The following TENM2 variants were observed in gnomAD, a reference collection of about 807,000 sequenced individuals.
The protein encoded by TENM2 is teneurin-2.
A neutral mutation model predicts 245.2 loss-of-function variants in TENM2; 52 were observed. The ratio of observed to expected loss-of-function variants is 0.21; its 90% CI spans 0.17 to 0.27. The LOEUF (loss-of-function observed/expected upper bound fraction) is 0.27. TENM2 is among the 10% of genes least tolerant of loss of function. TENM2 has a pLI of 1.00. For missense variants in TENM2, 3,046 were observed against 3,666.8 expected, an observed-to-expected ratio of 0.83 and a Z score of 4.37; for synonymous variants, 1,363 against 1,438.9, an observed-to-expected ratio of 0.95 and a Z score of 1.19.
intron 2 of TENM2, among the ~76,000 whole-genome samples, chr5:167,704,026 C>A (rs991544178): frequency 5.9e-5 from 9 of 152,160 alleles, no homozygotes; most frequent in Admixed American, 3.9e-4. Context: ...AGAAGAAATT[C>A]TTTGAGGGTG....
chr5:167,476,582 T>C (rs1767391846), intron 2 of TENM2, among the ~76,000 whole-genome samples: 1 of 152,088 alleles, frequency 6.6e-6, no homozygotes, highest in Admixed American at 6.6e-5. Context: ...AATACTGATA[T>C]AGCTGGTTTT....
chr5:167,193,091 G>A, the TENM2 span, among the ~76,000 whole-genome samples: 4 of 152,034 alleles, frequency 2.6e-5, no homozygotes, highest in East Asian at 1.9e-4. Context: ...GGAAAATCCT[G>A]TTGATAGGGG....
intron 3 of TENM2, among the ~76,000 whole-genome samples, chr5:167,915,841 C>T (rs1361571682): frequency 6.6e-6 from 1 of 152,046 alleles, no homozygotes; most frequent in African/African-American, 2.4e-5. Context: ...ATTACTCTTC[C>T]AAAATAGACT....
At chr5:167,990,000 A>T (rs1034080815) in intron 4 of TENM2, among the ~76,000 whole-genome samples, 6 of 152,188 alleles carry the variant, frequency 3.9e-5, no homozygotes, top group Non-Finnish European at 4.4e-5. Context: ...AGACCTAGAA[A>T]TTGGCAAGAT....
the TENM2 span, among the ~76,000 whole-genome samples, chr5:167,105,557 A>C: frequency 3.9e-5 from 6 of 152,188 alleles, no homozygotes; most frequent in Non-Finnish European, 7.3e-5. Flanking sequence ...GAAATCAAGT[A>C]ATTAAGTGTT....
intron 5 of TENM2, among the ~76,000 whole-genome samples, chr5:168,039,478 C>T (rs563690993): frequency 2.0e-5 from 3 of 152,108 alleles, no homozygotes; most frequent in South Asian, 2.1e-4. Flanking sequence ...TAAAACCTAC[C>T]GATATTATCA....
chr5:167,423,878 A>G (rs1289888035), intron 2 of TENM2, among the ~76,000 whole-genome samples: 1 of 152,114 alleles, frequency 6.6e-6, no homozygotes, highest in Non-Finnish European at 1.5e-5. Flanking sequence ...CTTTCTTCCC[A>G]CTGGAGACCA....
rs184733112 is a variant in TENM2, at chr5:167,633,198, C to G, written c.503-242788C>G. Reference sequence around the variant, plus strand: ...GAGTTGGTAGTAAATACAGCCACAGCGAAGCTAACAATGCAGAACCTGAGG... The same window carrying G: ...GAGTTGGTAGTAAATACAGCCACAGGGAAGCTAACAATGCAGAACCTGAGG... On this transcript the variant is annotated intron_variant, in intron 2 of 28. Coordinates refer to ENST00000518659, the Ensembl canonical transcript of TENM2. 7.6e-4 allele frequency among the ~76,000 whole-genome samples: 115 copies of G among 152,218 alleles called. 1 individual carries two copies. Among genetic ancestry groups the G allele is most frequent in the Middle Eastern group, 3.4e-3 (1 of 294 alleles).
At chr5:168,005,194 T>C (rs2152057835) in intron 5 of TENM2, among the ~76,000 whole-genome samples, 1 of 152,320 alleles carries the variant, frequency 6.6e-6, no homozygotes, top group South Asian at 2.1e-4. Context: ...GCTTGTTTTA[T>C]GCCAAAGGTA....
At chr5:167,516,666 T>G (rs1284926428) in intron 2 of TENM2, among the ~76,000 whole-genome samples, 1 of 152,210 alleles carries the variant, frequency 6.6e-6, no homozygotes, top group Admixed American at 6.5e-5. Flanking sequence ...CACATCCCAT[T>G]TACTTGTTGA....
intron 2 of TENM2, among the ~76,000 whole-genome samples, chr5:167,405,099 C>T (rs1762560887): frequency 6.6e-6 from 1 of 152,142 alleles, no homozygotes; most frequent in Non-Finnish European, 1.5e-5. Context: ...TAATCCGTGC[C>T]ACAGAATGTG....
rs116069218 is a variant in TENM2, at chr5:168,259,235, G to C, written c.7433-1048G>C. On this transcript the variant is annotated intron_variant, in intron 27 of 28. Transcript: ENST00000518659. ...CAATGCAAGGACTTGATGTTGGCCT[G>C]TGTGGCAGGTGGTCTTACTCTGGGC... is the stretch of plus-strand genomic sequence containing the variant. Among the ~76,000 whole-genome samples, 1,410 of 152,210 alleles carry C rather than the reference G, an allele frequency of 9.3e-3. 24 individuals carry two copies. Among genetic ancestry groups the C allele is most frequent in the African/African-American group, 0.032 (1,347 of 41,520 alleles).
At chr5:168,148,120 C>G (rs186974503) in intron 12 of TENM2, among the ~76,000 whole-genome samples, 6 of 152,200 alleles carry the variant, frequency 3.9e-5, no homozygotes, top group African/African-American at 1.4e-4. Context: ...CGTGTGGAAA[C>G]TGCAGGTTAG....
At chr5:167,141,547 A>G in the TENM2 span, among the ~76,000 whole-genome samples, 6 of 152,332 alleles carry the variant, frequency 3.9e-5, no homozygotes, top group African/African-American at 7.2e-5. Context: ...ATGCTGGTAC[A>G]GACATATAGA....
In TENM2 at chr5:167,285,121, T is replaced by G. The variant is rs952055953; in HGVS notation, c.226+58T>G. 13 of 1,340,520 alleles carry G rather than the reference T, an allele frequency of 9.7e-6. No individual in the cohort carries two copies. In the South Asian group the frequency reaches 1.6e-4, roughly 17 times the overall value. 83.0% of individuals were successfully genotyped at this position (1,340,520 alleles called of 1,614,324 possible). On this transcript the variant is annotated intron_variant, in intron 1 of 28. Transcript: ENST00000518659. ...AACTGTCTAACTTACTTGATTTACA[T>G]GGTTGATGGCTGCTTTTGGAGATCC...
At chr5:167,212,405 C>T in the TENM2 span, among the ~76,000 whole-genome samples, 2 of 152,116 alleles carry the variant, frequency 1.3e-5, no homozygotes, top group African/African-American at 2.4e-5. Flanking sequence ...CACAGATGGG[C>T]CCATAGAAAA....
At chr5:168,134,483 C>T (rs569666110) in intron 12 of TENM2, among the ~76,000 whole-genome samples, 6 of 151,976 alleles carry the variant, frequency 3.9e-5, no homozygotes, top group East Asian at 1.9e-4. Context: ...GTCAGGAGTT[C>T]GAGACCAGCC....
At chr5:167,944,606 GA>G (rs1779461080) in intron 3 of TENM2, among the ~76,000 whole-genome samples, 2 of 152,200 alleles carry the variant, frequency 1.3e-5, no homozygotes, top group African/African-American at 4.8e-5. Flanking sequence ...CCATTTCCAT[GA>G]AATGTCCAGG....
chr5:167,536,013 G>A (rs931292590), intron 2 of TENM2, among the ~76,000 whole-genome samples: 2 of 152,070 alleles, frequency 1.3e-5, no homozygotes, highest in Non-Finnish European at 2.9e-5. Flanking sequence ...AGTAAAAAGG[G>A]ACAGCTTTAT....
Sources: gnomAD v4.1 joint callset for allele counts (sites outside exome capture counted in the v4.1 genomes callset) on GRCh38, gnomAD v4.1.1 for gene constraint, MANE v1.5 for transcripts, NCBI Gene and HGNC (gene_info 2026-07-23, HGNC 2026-07-21) for gene names.